CACNA1D: variants seen among roughly 807,000 people sequenced by gnomAD.
CACNA1D encodes voltage-dependent L-type calcium channel subunit alpha-1D.
Under a neutral mutation model 257.1 loss-of-function variants are expected in CACNA1D, and 55 were observed. That is an observed-to-expected ratio of 0.21 (90% CI 0.17 to 0.27). The LOEUF is 0.27. Among genes scored for constraint, CACNA1D ranks in the 10% least tolerant of loss-of-function variants. The probability of loss-of-function intolerance (pLI) is 1.00; values close to 1 mark genes in which losing one functional copy is unlikely to be tolerated. For synonymous variants in CACNA1D, 980 were observed against 1,014.9 expected (o/e 0.97, Z 0.65); for missense variants, 1,876 against 2,784.0 (o/e 0.67, Z 7.34).
chr3:53,642,075 G>C (rs1055510034), intron 3 of CACNA1D, among the ~76,000 whole-genome samples: 1 of 152,168 alleles, frequency 6.6e-6, no homozygotes, highest in Non-Finnish European at 1.5e-5. Flanking sequence ...AGCCCAAATG[G>C]GGAGGGGAGG....
At chr3:53,718,427 T>A in intron 10 of CACNA1D, 39 bp downstream of exon 10, 1 of 1,577,416 alleles carries the variant, frequency 6.3e-7, no homozygotes, top group Non-Finnish European at 8.7e-7. Context: ...CCCCTCCTGT[T>A]GTCTCAGAGA....
Position 53,805,124 on chromosome 3 carries a change from C to G in CACNA1D, c.5727C>G (p.Arg1909=), listed in dbSNP as rs1559720422. 1.9e-6 allele frequency: 3 copies of G among 1,613,976 alleles called. No individual in the cohort carries two copies. Among genetic ancestry groups the G allele is most frequent in the Admixed American group, 3.3e-5 (2 of 60,028 alleles). ...ATTCACGGAGATCTCCAAGGAGACG[C>G]CTACTACCTCCCACCCCAGCATGTG... The part of the protein sequence containing the change: ...CYDSRRSPRR[R]LLPPTPASHR... The change falls in exon 45 of 48, where the codon CGC becomes CGG. Residue 1909 remains arginine (R), a synonymous_variant. Coordinates refer to ENST00000350061, the MANE Select transcript of CACNA1D (RefSeq NM_001128840.3).
intron 36 of CACNA1D, 51 bp downstream of exon 36, chr3:53,776,781 C>A: frequency 1.2e-6 from 2 of 1,614,088 alleles, no homozygotes; most frequent in Non-Finnish European, 1.7e-6. Context: ...TTTGGAATGT[C>A]AGCTTTTTTT....
intron 3 of CACNA1D, among the ~76,000 whole-genome samples, chr3:53,562,654 T>C (rs1296509108): frequency 7.0e-6 from 1 of 142,728 alleles, no homozygotes; most frequent in African/African-American, 2.4e-5. Flanking sequence ...CATAAATGCC[T>C]CCCCCCCCAA....
chr3:53,680,566 A>G (rs2094420630), intron 8 of CACNA1D, among the ~76,000 whole-genome samples: 1 of 152,028 alleles, frequency 6.6e-6, no homozygotes, highest in African/African-American at 2.4e-5. Context: ...GAGGCTGTTG[A>G]ATCTGTTGAT....
chr3:53,809,884 C>A (rs1443663720), intron 46 of CACNA1D, 94 bp from the exon 47 acceptor site: 1 of 1,164,916 alleles, frequency 8.6e-7, no homozygotes, highest in Non-Finnish European at 1.3e-6. Flanking sequence ...CTGCCCCTGG[C>A]GAGCGCAGCG....
intron 3 of CACNA1D, among the ~76,000 whole-genome samples, chr3:53,550,177 T>C: frequency 6.6e-6 from 1 of 152,132 alleles, no homozygotes; most frequent in Non-Finnish European, 1.5e-5. Context: ...TCCAGAATGC[T>C]GACCAGGGCA....
intron 9 of CACNA1D, among the ~76,000 whole-genome samples, chr3:53,703,902 G>A (rs1247905076): frequency 1.3e-5 from 2 of 152,184 alleles, no homozygotes; most frequent in East Asian, 1.9e-4. Flanking sequence ...GGCAGGCACC[G>A]CCGACGAGGG....
At chr3:53,729,914 A>G (rs1207847514) in intron 15 of CACNA1D, among the ~76,000 whole-genome samples, 1 of 152,206 alleles carries the variant, frequency 6.6e-6, no homozygotes, top group Non-Finnish European at 1.5e-5. Flanking sequence ...TAGACTCTGA[A>G]GGTTATTTCA....
At chr3:53,521,355 T>C (rs2091568258) in intron 3 of CACNA1D, among the ~76,000 whole-genome samples, 1 of 152,204 alleles carries the variant, frequency 6.6e-6, no homozygotes, top group African/African-American at 2.4e-5. Context: ...TTCAATTTCT[T>C]GATGGTATCC....
At chr3:53,754,266 G>A (rs190574144) in intron 29 of CACNA1D, among the ~76,000 whole-genome samples, 8 of 152,256 alleles carry the variant, frequency 5.3e-5, no homozygotes, top group East Asian at 3.9e-4. Flanking sequence ...TGTGCTCGAC[G>A]ACTCAGCGTG....
intron 3 of CACNA1D, among the ~76,000 whole-genome samples, chr3:53,633,470 G>A (rs140661941): frequency 3.9e-5 from 4 of 102,960 alleles, no homozygotes; most frequent in Admixed American, 3.8e-4. Context: ...AAACAAAAAG[G>A]CTGAGTTAGA....
intron 3 of CACNA1D, among the ~76,000 whole-genome samples, chr3:53,530,118 A>G (rs2091899828): frequency 6.6e-6 from 1 of 152,234 alleles, no homozygotes; most frequent in African/African-American, 2.4e-5. Flanking sequence ...GAAGGGTTAT[A>G]AATTCAGTGT....
intron 3 of CACNA1D, among the ~76,000 whole-genome samples, chr3:53,518,762 T>A (rs1429264714): frequency 6.6e-6 from 1 of 152,230 alleles, no homozygotes; most frequent in East Asian, 1.9e-4. Context: ...CAAGTTTTCT[T>A]ATCTTTGAGA....
intron 3 of CACNA1D, among the ~76,000 whole-genome samples, chr3:53,538,634 T>G (rs1425476358): frequency 6.6e-6 from 1 of 152,186 alleles, no homozygotes; most frequent in Non-Finnish European, 1.5e-5. Flanking sequence ...CATTGGTCCC[T>G]GTGTCTGTTT....
rs967552010 is a variant in CACNA1D, at chr3:53,803,321, A to G, written c.5436-102A>G. 4.5e-6 allele frequency: 6 copies of G among 1,339,520 alleles called. No individual in the cohort carries two copies. The African/African-American group carries it at 5.8e-5, about 13-fold the overall frequency. The allele number at this position is 1,339,520 out of a possible 1,614,324, so 83.0% of individuals were successfully genotyped here. ...AGGCAGGTGCGCGCTGGGAGAAGCCAGGAGCACCCGGGCAGGGTTGCCGGC... is the reference window on the plus strand; with the variant it reads ...AGGCAGGTGCGCGCTGGGAGAAGCCGGGAGCACCCGGGCAGGGTTGCCGGC... On this transcript the variant is annotated intron_variant, in intron 43 of 47. Transcript: ENST00000350061.
Position 53,800,556 on chromosome 3 carries a change from G to C in CACNA1D, c.5040+191G>C, listed in dbSNP as rs553337329. The C allele has an allele frequency of 6.0e-6, 4 of 667,034 alleles. No individual in the cohort carries two copies. Among genetic ancestry groups the C allele is most frequent in the African/African-American group, 5.3e-5 (3 of 56,552 alleles). The allele number at this position is 667,034 out of a possible 1,614,324, so 41.3% of individuals were successfully genotyped here. ...GGCATCAGCACCTCTTCTAGGGCCA[G>C]GCCAGCTCTTTCCCTGAGCTTACCC... On this transcript the variant is annotated intron_variant, in intron 41 of 47. Coordinates refer to ENST00000350061, the MANE Select transcript of CACNA1D (RefSeq NM_001128840.3). This position sits in a 1 kb window ranked among gnomAD's most constrained non-coding sequence, Gnocchi z 4.3.
chr3:53,646,142 G>C (rs887717625), intron 3 of CACNA1D, among the ~76,000 whole-genome samples: 4 of 152,192 alleles, frequency 2.6e-5, no homozygotes, highest in Non-Finnish European at 5.9e-5. Context: ...GTGTGGGAGG[G>C]AGCAGGTTGG....
intron 3 of CACNA1D, among the ~76,000 whole-genome samples, chr3:53,556,741 G>A (rs2092652074): frequency 6.7e-6 from 1 of 150,142 alleles, no homozygotes. Flanking sequence ...TTTTGAGACA[G>A]AGTCTTGCTC....
Sources: allele counts gnomAD v4.1 joint callset (sites outside exome capture counted in the v4.1 genomes callset), GRCh38; gene constraint gnomAD v4.1.1; non-coding constraint Gnocchi (gnomAD v3.1); transcripts MANE v1.5; gene names NCBI Gene and HGNC (gene_info 2026-07-23, HGNC 2026-07-21).